PKD1L1: variants seen among roughly 807,000 people sequenced by gnomAD.
The protein encoded by PKD1L1 is polycystin-1-like protein 1.
A neutral mutation model predicts 323.4 loss-of-function variants in PKD1L1; 236 were observed. The observed-to-expected ratio is 0.73, with a 90% CI of 0.66 to 0.81. The LOEUF (loss-of-function observed/expected upper bound fraction) is 0.81, where lower values mean the gene tolerates loss of function less well. Ranked by LOEUF, PKD1L1 falls within the 40% of genes least tolerant of loss-of-function variation. PKD1L1 has a pLI of 0.00. For missense variants in PKD1L1, 3,320 were observed against 3,508.0 expected (o/e 0.95, Z 1.35); for synonymous variants, 1,344 against 1,335.0 (o/e 1.01, Z -0.15).
Position 47,886,050 on chromosome 7 carries a change from G to A in PKD1L1, c.2841C>T (p.Pro947=), listed in dbSNP as rs1201179426. Residue 947 remains proline, a synonymous_variant, in exon 18 of 57, where the codon CCC becomes CCT. Transcript: ENST00000289672. ...CAAGCAGCCCCACTACTCTGCAGAA[G>A]GGAACTTAAGCAAACGTTTGGCAGT... ...NATEKNRIEV[P]FCRVVGLLGS... 2.5e-6 allele frequency: 4 copies of A among 1,601,672 alleles called. No individual in the cohort carries two copies. Among genetic ancestry groups the A allele is most frequent in the African/African-American group, 2.7e-5 (2 of 74,438 alleles).
intron 7 of PKD1L1, among the ~76,000 whole-genome samples, chr7:47,928,240 G>A (rs1410571006): frequency 1.3e-5 from 2 of 152,148 alleles, no homozygotes; most frequent in East Asian, 3.9e-4. Context: ...TTTACACCAT[G>A]AGAATGTATA....
In PKD1L1 at chr7:47,800,807, G is replaced by A; in HGVS notation, c.8035C>T (p.Pro2679Ser). 1 of 1,614,142 alleles carries A rather than the reference G, an allele frequency of 6.2e-7. No homozygotes were observed. Among genetic ancestry groups the A allele is most frequent in the Middle Eastern group, 1.6e-4 (1 of 6,062 alleles). Reference sequence around the variant, plus strand: ...GGGAAGGCGTCTGTGAAGGTGCCAGGTGGTAGAACCCACATAGAGAGCAGA... The same window carrying A: ...GGGAAGGCGTCTGTGAAGGTGCCAGATGGTAGAACCCACATAGAGAGCAGA... ...RFLLSMWVLP[P>S]GTFTDAFPGL... is the part of the protein sequence containing the mutation. The change falls in exon 54 of 57, where the codon CCT (proline) becomes TCT (serine). Residue 2679 changes from proline (P) to serine (S), a missense_variant. Pro to Ser is a moderately conservative substitution (Grantham distance 74). Transcript: ENST00000289672.
intron 43 of PKD1L1, 85 bp from the exon 44 acceptor site, chr7:47,829,686 T>C (rs1562950007): frequency 1.5e-6 from 2 of 1,345,892 alleles, no homozygotes; most frequent in Non-Finnish European, 2.0e-6. Context: ...CCCCTAATCA[T>C]GAACAGGACT....
chr7:47,853,608 T>A (rs555132499), intron 30 of PKD1L1, among the ~76,000 whole-genome samples: 2 of 151,566 alleles, frequency 1.3e-5, no homozygotes, highest in Middle Eastern at 6.8e-3. Flanking sequence ...CTGGGCGTGG[T>A]GATGCGCACT....
intron 16 of PKD1L1, among the ~76,000 whole-genome samples, 177 bp downstream of exon 16, chr7:47,890,365 G>A (rs1277817632): frequency 6.6e-6 from 1 of 152,194 alleles, no homozygotes; most frequent in African/African-American, 2.4e-5. Flanking sequence ...CCCGAGAGCG[G>A]GGACTGCTTC....
chr7:47,923,650 AAAAT>A (rs150597782), intron 7 of PKD1L1, among the ~76,000 whole-genome samples: 3 of 151,542 alleles, frequency 2.0e-5, no homozygotes, highest in Non-Finnish European at 4.4e-5. Context: ...TACTCTGGCA[AAAAT>A]AAATAAATAA....
At chr7:47,828,815 G>A (rs1019608552) in intron 44 of PKD1L1, among the ~76,000 whole-genome samples, 3 of 152,160 alleles carry the variant, frequency 2.0e-5, no homozygotes, top group African/African-American at 4.8e-5. Flanking sequence ...GGCCCAGACC[G>A]GGGTCTGACT....
Position 47,898,159 on chromosome 7 carries a change from C to T in PKD1L1, c.2100G>A (p.Thr700=), listed in dbSNP as rs754413378. 6 of 1,613,986 alleles carry T rather than the reference C, an allele frequency of 3.7e-6. No homozygotes were observed. Among genetic ancestry groups the T allele is most frequent in the Admixed American group, 3.3e-5 (2 of 59,996 alleles). The change falls in exon 14 of 57, where the codon ACG becomes ACA. Residue 700 remains threonine, a synonymous_variant. Coordinates refer to ENST00000289672, the MANE Select transcript of PKD1L1 (RefSeq NM_138295.5). ...WRSQPVRLGV[T]FEAAVFCDIS... ...TATCACAGAAGACTGCAGCTTCAAA[C>T]GTCACTCCCAGCCTCACAGGCTGAG...
chr7:47,873,857 C>A (rs992893069), intron 24 of PKD1L1, 42 bp downstream of exon 24: 2 of 1,490,826 alleles, frequency 1.3e-6, no homozygotes, highest in Non-Finnish European at 1.8e-6. Flanking sequence ...GGAAGAAATA[C>A]AAATAATGGC....
intron 47 of PKD1L1, 106 bp from the exon 48 acceptor site, chr7:47,814,120 C>T: frequency 1.3e-6 from 1 of 787,106 alleles, no homozygotes; most frequent in East Asian, 2.6e-5. Context: ...CCACCTGCTA[C>T]CATAGAGGTC....
intron 31 of PKD1L1, among the ~76,000 whole-genome samples, chr7:47,848,923 C>T (rs1206613795): frequency 6.6e-6 from 1 of 152,192 alleles, no homozygotes; most frequent in African/African-American, 2.4e-5. Context: ...AATCTGGAGG[C>T]ATCACATTAC....
At chr7:47,951,195 CAA>C (rs1246056024), upstream of PKD1L1, among the ~76,000 whole-genome samples, 1 of 152,118 alleles carries the variant, frequency 6.6e-6, no homozygotes, top group African/African-American at 2.4e-5. Flanking sequence ...CATTTAGAAA[CAA>C]AGACTCGATC....
In PKD1L1 at chr7:47,831,269, A is replaced by G. The variant is rs910629934; in HGVS notation, c.6421T>C (p.Cys2141Arg). ...CTGCAGGCCAAAGAAGCGGTCCCAC[A>G]AATGGCCCACACTGCAGAGCTCCAC... ...PWWSSAVWAICGTASLACSLG... is the reference protein window; with the variant it reads ...PWWSSAVWAIRGTASLACSLG... Residue 2141 changes from cysteine to arginine, a missense_variant, in exon 42 of 57, where the codon TGT becomes CGT. Transcript: ENST00000289672. 5.0e-6 allele frequency: 8 copies of G among 1,614,162 alleles called. No individual in the cohort carries two copies. Among genetic ancestry groups the G allele is most frequent in the Non-Finnish European group, 5.1e-6 (6 of 1,180,008 alleles).
At chr7:47,854,151 G>A (rs1161088401) in intron 30 of PKD1L1, among the ~76,000 whole-genome samples, 2 of 152,186 alleles carry the variant, frequency 1.3e-5, no homozygotes, top group African/African-American at 4.8e-5. Context: ...AATAAGCAGA[G>A]ATTAAACTGC....
chr7:47,793,972 G>C (rs1056592517), intron 55 of PKD1L1, among the ~76,000 whole-genome samples: 6 of 152,202 alleles, frequency 3.9e-5, no homozygotes, highest in Non-Finnish European at 8.8e-5. Flanking sequence ...GAACTTGAGA[G>C]AGATGATTTT....
intron 56 of PKD1L1, among the ~76,000 whole-genome samples, chr7:47,789,857 T>C (rs1786899038): frequency 6.6e-6 from 1 of 152,202 alleles, no homozygotes; most frequent in Non-Finnish European, 1.5e-5. Flanking sequence ...CTATCCATTT[T>C]TTCTCCTCTG....
In PKD1L1 at chr7:47,853,169, C is replaced by T; in HGVS notation, c.4918G>A (p.Glu1640Lys). ...FLVKQIYFWD[E>K]SIVQIYIPAA... is the part of the protein sequence containing the mutation. ...GGTATATAAATCTGCACAATTGACT[C>T]ATCCCAGAAGTAGATCTGCTTCACA... is the stretch of plus-strand genomic sequence containing the variant. Residue 1640 changes from glutamate (E) to lysine (K), a missense_variant, in exon 31 of 57, where the codon GAG (glutamate) becomes AAG (lysine). By Grantham distance (56) the Glu-to-Lys change is moderately conservative. Transcript: ENST00000289672. 1.9e-6 allele frequency: 3 copies of T among 1,613,900 alleles called. No homozygotes were observed. Among genetic ancestry groups the T allele is most frequent in the Non-Finnish European group, 2.5e-6 (3 of 1,179,806 alleles).
At chr7:47,898,898 TA>T (rs781611829) in intron 13 of PKD1L1, among the ~76,000 whole-genome samples, 3,813 of 138,602 alleles carry the variant, frequency 0.028, 135 homozygotes, top group African/African-American at 0.084. Context: ...GTTCTTTTGC[TA>T]AAAAAAAAAA....
intron 46 of PKD1L1, chr7:47,818,295 G>C: frequency 3.4e-6 from 3 of 875,100 alleles, no homozygotes; most frequent in Non-Finnish European, 4.6e-6. Context: ...GTAGGAAAGA[G>C]GCAAAGGATG....
Sources: allele counts gnomAD v4.1 joint callset (sites outside exome capture counted in the v4.1 genomes callset), GRCh38; gene constraint gnomAD v4.1.1; transcripts MANE v1.5; gene names NCBI Gene and HGNC (gene_info 2026-07-23, HGNC 2026-07-21).